The following PPP1R21 variants were observed in gnomAD, a reference collection of about 807,000 sequenced individuals.
PPP1R21 encodes the protein KLRAQ motif containing 1.
A neutral mutation model predicts 112.8 loss-of-function variants in PPP1R21; 85 were observed. That is an observed-to-expected ratio of 0.75 (90% confidence interval 0.63 to 0.90). The LOEUF (loss-of-function observed/expected upper bound fraction) is 0.90. Ranked by LOEUF, PPP1R21 falls within the 40% of genes least tolerant of loss-of-function variation. The pLI, the probability that PPP1R21 is intolerant of heterozygous loss-of-function variation, is 0.00. For missense variants in PPP1R21, 1,199 were observed against 901.5 expected (o/e 1.33, Z -4.23); for synonymous variants, 381 against 322.3 (o/e 1.18, Z -1.95).
intron 1 of PPP1R21, among the ~76,000 whole-genome samples, chr2:48,444,338 A>T (rs1054615799): frequency 6.6e-6 from 1 of 152,202 alleles, no homozygotes; most frequent in African/African-American, 2.4e-5. Context: ...TAACAGATGC[A>T]AGCTACCTCC....
intron 6 of PPP1R21, among the ~76,000 whole-genome samples, chr2:48,460,656 C>T (rs908330934): frequency 5.3e-5 from 8 of 152,022 alleles, no homozygotes; most frequent in East Asian, 3.8e-4. Flanking sequence ...TTTCTCATAT[C>T]GATTTTGTTG....
chr2:48,486,606 A>G (rs755941687), intron 13 of PPP1R21, 25 bp from the exon 14 acceptor site: 2 of 1,561,016 alleles, frequency 1.3e-6, no homozygotes, highest in Non-Finnish European at 1.8e-6. Context: ...GATAATAATG[A>G]ATTTTCATGT....
intron 15 of PPP1R21, among the ~76,000 whole-genome samples, chr2:48,493,520 G>A (rs144077548): frequency 8.5e-5 from 13 of 152,140 alleles, no homozygotes; most frequent in East Asian, 1.9e-4. Context: ...AAACATTCAC[G>A]TGTATTTTCT....
At chr2:48,453,775 A>G (rs1370908872) in intron 2 of PPP1R21, among the ~76,000 whole-genome samples, 1 of 152,198 alleles carries the variant, frequency 6.6e-6, no homozygotes, top group East Asian at 1.9e-4. Flanking sequence ...ATATGAAAAT[A>G]TTTTTGGTAT....
chr2:48,461,268 T>C lies in PPP1R21; in HGVS notation c.694+36T>C, dbSNP rs780165471. The stretch of plus-strand genomic sequence containing the variant: ...TGTACAGTTTTCCATTATTTGTAAC[T>C]TTGAATCTCTCTGTGGTAGCCAACT... On this transcript the variant is annotated intron_variant, in intron 7 of 21. Transcript: ENST00000294952. 48 of 1,496,668 alleles carry C rather than the reference T, an allele frequency of 3.2e-5. No homozygotes were observed. In the African/African-American group the frequency reaches 5.3e-4, roughly 16 times the overall value. The allele number at this position is 1,496,668 out of a possible 1,614,324, so 92.7% of individuals were successfully genotyped here.
intron 9 of PPP1R21, 68 bp from the exon 10 acceptor site, chr2:48,471,019 A>C: frequency 9.0e-7 from 1 of 1,112,968 alleles, no homozygotes; most frequent in Non-Finnish European, 1.4e-6. Context: ...TGGTGGGTCC[A>C]TTTAGAAATG....
intron 19 of PPP1R21, among the ~76,000 whole-genome samples, chr2:48,509,029 C>G (rs768802820): frequency 6.6e-6 from 1 of 152,184 alleles, no homozygotes; most frequent in Non-Finnish European, 1.5e-5. Flanking sequence ...TTCTCCTTGT[C>G]AGTAACCTTA....
At chr2:48,501,392 C>T (rs965325993) in intron 17 of PPP1R21, among the ~76,000 whole-genome samples, 1 of 152,160 alleles carries the variant, frequency 6.6e-6, no homozygotes, top group Non-Finnish European at 1.5e-5. Context: ...CTGACAATGA[C>T]ATTGTAATTG....
intron 6 of PPP1R21, among the ~76,000 whole-genome samples, chr2:48,460,773 C>T (rs999915628): frequency 6.6e-6 from 1 of 152,118 alleles, no homozygotes; most frequent in Non-Finnish European, 1.5e-5. Flanking sequence ...TAAAAAAAGT[C>T]TATAGTGATA....
chr2:48,440,943 C>CG lies in PPP1R21; in HGVS notation c.-6dup. On this transcript the variant is annotated 5_prime_UTR_variant, in exon 1 of 22. Transcript: ENST00000294952. ...CCTGGGCGGCCTGGCCTGTACGGGG[C>CG]GGGGGAGGCCATGGCCTCGGCTGAG... The CG allele has an allele frequency of 2.7e-6, 2 of 748,322 alleles. No individual in the cohort carries two copies. The highest frequency in any genetic ancestry group is 4.2e-6 in the Non-Finnish European group (2 of 480,540). 46.4% of individuals were successfully genotyped at this position (748,322 alleles called of 1,614,324 possible).
chr2:48,495,792 T>C, intron 16 of PPP1R21, 21 bp downstream of exon 16: 8 of 1,360,446 alleles, frequency 5.9e-6, no homozygotes, highest in Non-Finnish European at 6.3e-6. Flanking sequence ...GGGAAAATTA[T>C]GGAAATTGTT....
At chr2:48,480,722 G>A (rs1469107058) in intron 13 of PPP1R21, among the ~76,000 whole-genome samples, 1 of 152,056 alleles carries the variant, frequency 6.6e-6, no homozygotes, top group Non-Finnish European at 1.5e-5. Context: ...ACGGGCAGGA[G>A]CAATCTATTA....
At chr2:48,487,300 T>A (rs1303555042) in intron 14 of PPP1R21, among the ~76,000 whole-genome samples, 4 of 152,234 alleles carry the variant, frequency 2.6e-5, no homozygotes, top group African/African-American at 9.6e-5. Context: ...GTTTCTTTTT[T>A]GGTAATACTT....
intron 15 of PPP1R21, among the ~76,000 whole-genome samples, chr2:48,493,155 G>A (rs1482365831): frequency 2.0e-5 from 3 of 151,066 alleles, no homozygotes; most frequent in African/African-American, 2.4e-5. Context: ...ACAGGTGCCC[G>A]CCACCACACC....
At chr2:48,459,964 G>A (rs1667904448) in intron 5 of PPP1R21, 46 bp downstream of exon 5, 12 of 1,597,318 alleles carry the variant, frequency 7.5e-6, no homozygotes, top group African/African-American at 1.3e-5. Flanking sequence ...TACAGCTTTT[G>A]TATTAATAAA....
intron 3 of PPP1R21, among the ~76,000 whole-genome samples, chr2:48,455,786 G>A (rs1370700619): frequency 2.0e-5 from 3 of 151,922 alleles, no homozygotes; most frequent in Non-Finnish European, 2.9e-5. Context: ...AGGCTGAGGC[G>A]GGCAGATCAC....
At chr2:48,497,651 ATTTTT>A (rs1208738625) in intron 16 of PPP1R21, among the ~76,000 whole-genome samples, 1 of 134,172 alleles carries the variant, frequency 7.5e-6, no homozygotes. Flanking sequence ...CTATAGTTCT[ATTTTT>A]TTTTTTTTTT....
At chr2:48,462,993 C>G (rs541534045) in intron 7 of PPP1R21, among the ~76,000 whole-genome samples, 1 of 151,936 alleles carries the variant, frequency 6.6e-6, no homozygotes, top group African/African-American at 2.4e-5. Flanking sequence ...TGCAGTTGAC[C>G]GAAAGAAAAG....
At chr2:48,500,301 A>C (rs1390981600) in intron 17 of PPP1R21, among the ~76,000 whole-genome samples, 1 of 152,200 alleles carries the variant, frequency 6.6e-6, no homozygotes, top group Non-Finnish European at 1.5e-5. Flanking sequence ...TCACATGTTT[A>C]CAAAAAAATA....
Sources: gnomAD v4.1 joint callset for allele counts (sites outside exome capture counted in the v4.1 genomes callset) on GRCh38, gnomAD v4.1.1 for gene constraint, MANE v1.5 for transcripts, NCBI Gene and HGNC (gene_info 2026-07-23, HGNC 2026-07-21) for gene names.